SLC14A2: variants seen among roughly 807,000 people sequenced by gnomAD.
SLC14A2 encodes the protein urea transporter 2.
SLC14A2 carries 91 observed loss-of-function variants against 104.6 expected under a neutral mutation model. That is an observed-to-expected ratio of 0.87 (90% CI 0.73 to 1.04). The LOEUF is 1.04. Among genes scored for constraint, SLC14A2 ranks in the 50% least tolerant of loss-of-function variants. The probability of loss-of-function intolerance (pLI) is 0.00; values close to 1 mark genes in which losing one functional copy is unlikely to be tolerated. For missense variants in SLC14A2, 1,189 were observed against 1,156.0 expected, an observed-to-expected ratio of 1.03 and a Z score of -0.41; for synonymous variants, 476 against 466.4, an observed-to-expected ratio of 1.02 and a Z score of -0.27.
intron 1 of SLC14A2, among the ~76,000 whole-genome samples, chr18:45,375,146 A>G (rs1320690793): frequency 1.3e-5 from 2 of 152,210 alleles, no homozygotes; most frequent in Admixed American, 1.3e-4. Context: ...AACTTAGTTC[A>G]TAGTTTATAG....
chr18:45,675,372 G>C (rs897132950), intron 18 of SLC14A2, among the ~76,000 whole-genome samples: 9 of 152,144 alleles, frequency 5.9e-5, no homozygotes, highest in African/African-American at 2.2e-4. Flanking sequence ...GGAGGTAAAA[G>C]GACTTGCCTG....
At chr18:45,207,677 G>A in the SLC14A2 span, among the ~76,000 whole-genome samples, 4 of 152,102 alleles carry the variant, frequency 2.6e-5, no homozygotes, top group East Asian at 3.9e-4. Context: ...TGACTCTGCC[G>A]AATGTAATGT....
chr18:45,496,439 G>C (rs921366881), intron 2 of SLC14A2, among the ~76,000 whole-genome samples: 1 of 152,144 alleles, frequency 6.6e-6, no homozygotes, highest in Non-Finnish European at 1.5e-5. Flanking sequence ...CATCCAATTG[G>C]CTGCCAGGGT....
the SLC14A2 span, among the ~76,000 whole-genome samples, chr18:45,202,681 A>G: frequency 1.3e-5 from 2 of 152,142 alleles, no homozygotes; most frequent in Admixed American, 6.5e-5. Flanking sequence ...TCTCTCAAAG[A>G]GAAGGGGATC....
intron 2 of SLC14A2, among the ~76,000 whole-genome samples, chr18:45,508,287 T>A (rs1314881632): frequency 6.6e-6 from 1 of 152,172 alleles, no homozygotes; most frequent in African/African-American, 2.4e-5. Context: ...TGTATCCCCA[T>A]CCAAATCTCA....
At chr18:45,660,007 C>A (rs2045911466) in intron 10 of SLC14A2, among the ~76,000 whole-genome samples, 1 of 151,460 alleles carries the variant, frequency 6.6e-6, no homozygotes, top group African/African-American at 2.4e-5. Context: ...GTGAGGCATG[C>A]TTGTAGTCCC....
Position 45,330,512 on chromosome 18 carries a change from T to TGATGAA in SLC14A2, c.-125+117321_-125+117322insGATGAA, listed in dbSNP as rs1309912127. Among the ~76,000 whole-genome samples, 768 of 152,326 alleles carry TGATGAA rather than the reference T, an allele frequency of 5.0e-3. 6 individuals are homozygous for TGATGAA. The highest frequency in any genetic ancestry group is 0.018 in the African/African-American group (741 of 41,586). On this transcript the variant is annotated intron_variant, in intron 1 of 20. Transcript: ENST00000586448. Reference sequence around the variant, plus strand: ...AGGAGTGATGAACGTGGAATGTTAGTCATGCCCTATCTTTGAGTGATAGAG... The same window carrying TGATGAA: ...AGGAGTGATGAACGTGGAATGTTAGTGATGAACATGCCCTATCTTTGAGTGATAGAG...
At chr18:45,678,848 A>T in intron 18 of SLC14A2, 127 bp from the exon 19 acceptor site, 1 of 882,224 alleles carries the variant, frequency 1.1e-6, no homozygotes, top group South Asian at 2.0e-5. Context: ...CATAACTCAA[A>T]TTTTTAAAAA....
chr18:45,560,068 C>T (rs1363914572), intron 2 of SLC14A2, among the ~76,000 whole-genome samples: 1 of 152,136 alleles, frequency 6.6e-6, no homozygotes, highest in Non-Finnish European at 1.5e-5. Flanking sequence ...ACATATGCCC[C>T]CTCCCAGGGA....
At position 45,541,690 on chromosome 18, in the gene SLC14A2, C is replaced by T. The variant is rs150195848; in HGVS notation, c.-35+58368C>T. Among the ~76,000 whole-genome samples, 234 of 152,324 alleles carry T rather than the reference C, an allele frequency of 1.5e-3. 1 individual carries two copies. The Middle Eastern group carries it at 0.024, about 15-fold the overall frequency. ...CCTGCTGGACATTAGACATTCAAGC[C>T]TTATGGATAAGGCAAGATCTAGATG... On this transcript the variant is annotated intron_variant, in intron 2 of 20. Transcript: ENST00000586448.
intron 2 of SLC14A2, among the ~76,000 whole-genome samples, chr18:45,582,488 A>T (rs2044507587): frequency 7.9e-6 from 1 of 126,952 alleles, no homozygotes; most frequent in Non-Finnish European, 1.9e-5. Context: ...CCATATCAAT[A>T]AAAAAAAATT....
At chr18:45,506,039 CAA>C (rs1273235311) in intron 2 of SLC14A2, among the ~76,000 whole-genome samples, 1 of 152,202 alleles carries the variant, frequency 6.6e-6, no homozygotes, top group Non-Finnish European at 1.5e-5. Context: ...CTGCTTACTG[CAA>C]AGTGTCTGCT....
chr18:45,362,920 G>T (rs2085627034), intron 1 of SLC14A2, among the ~76,000 whole-genome samples: 1 of 152,062 alleles, frequency 6.6e-6, no homozygotes, highest in South Asian at 2.1e-4. Flanking sequence ...CCATGCTAGG[G>T]ACAGATCTGC....
chr18:45,177,931 A>G, the SLC14A2 span, among the ~76,000 whole-genome samples: 3 of 152,164 alleles, frequency 2.0e-5, no homozygotes, highest in African/African-American at 4.8e-5. Flanking sequence ...CAGGTTTTTC[A>G]TGTATTTCAA....
chr18:45,279,000 G>A (rs954620255), intron 1 of SLC14A2, among the ~76,000 whole-genome samples: 10 of 152,180 alleles, frequency 6.6e-5, no homozygotes, highest in African/African-American at 2.2e-4. Flanking sequence ...AAGTACGAGA[G>A]AGATAATAAG....
chr18:45,314,292 A>G (rs1022851245), intron 1 of SLC14A2, among the ~76,000 whole-genome samples: 1 of 152,234 alleles, frequency 6.6e-6, no homozygotes, highest in Non-Finnish European at 1.5e-5. Flanking sequence ...ACCACTGCAT[A>G]TGTTCTCAGT....
intron 2 of SLC14A2, among the ~76,000 whole-genome samples, chr18:45,590,365 G>T (rs117486841): frequency 6.6e-6 from 1 of 152,278 alleles, no homozygotes; most frequent in East Asian, 1.9e-4. Flanking sequence ...CCCCAGCTAT[G>T]AAATGGTCCA....
intron 1 of SLC14A2, among the ~76,000 whole-genome samples, chr18:45,220,477 A>G (rs2084050830): frequency 6.6e-6 from 1 of 152,240 alleles, no homozygotes; most frequent in African/African-American, 2.4e-5. Flanking sequence ...CCACTAATTC[A>G]TCAAACTGAG....
chr18:45,535,709 G>C (rs2043769534), intron 2 of SLC14A2, among the ~76,000 whole-genome samples: 1 of 152,138 alleles, frequency 6.6e-6, no homozygotes, highest in Admixed American at 6.5e-5. Context: ...AAATGAAAAA[G>C]CTTCATGGTT....
Sources: gnomAD v4.1 joint callset for allele counts (sites outside exome capture counted in the v4.1 genomes callset) on GRCh38, gnomAD v4.1.1 for gene constraint, MANE v1.5 for transcripts, NCBI Gene and HGNC (gene_info 2026-07-23, HGNC 2026-07-21) for gene names.